The following QPRT variants were observed in gnomAD, a reference collection of about 807,000 sequenced individuals.
QPRT encodes nicotinate-nucleotide pyrophosphorylase [carboxylating].
A neutral mutation model predicts 19.8 loss-of-function variants in QPRT; 17 were observed. That is an observed-to-expected ratio of 0.86 (90% CI 0.59 to 1.29). The LOEUF is 1.29. Ranked by LOEUF, QPRT falls within the 50% of genes most tolerant of loss-of-function variation. The probability of loss-of-function intolerance (pLI) is 0.00; values close to 1 mark genes in which losing one functional copy is unlikely to be tolerated. For missense variants in QPRT, 336 were observed against 405.1 expected (o/e 0.83, Z 1.46); for synonymous variants, 178 against 191.0 (o/e 0.93, Z 0.56).
chr16:29,684,770 C>T (rs576957178), intron 1 of QPRT, among the ~76,000 whole-genome samples: 2 of 152,248 alleles, frequency 1.3e-5, no homozygotes, highest in East Asian at 1.9e-4. Context: ...TTCTCTCGAG[C>T]TCTGCAGAAG....
intron 1 of QPRT, among the ~76,000 whole-genome samples, chr16:29,682,414 C>G (rs1227226846): frequency 6.6e-6 from 1 of 151,934 alleles, no homozygotes; most frequent in East Asian, 1.9e-4. Flanking sequence ...CTCTTGTTGC[C>G]CAGACTGGAG....
At chr16:29,694,366 G>A (rs1225530921) in intron 1 of QPRT, among the ~76,000 whole-genome samples, 3 of 151,522 alleles carry the variant, frequency 2.0e-5, no homozygotes. Flanking sequence ...TGATCCGCCC[G>A]CCTCGGCCTC....
intron 1 of QPRT, among the ~76,000 whole-genome samples, chr16:29,681,688 G>A (rs1250871188): frequency 6.7e-6 from 1 of 148,732 alleles, no homozygotes. Context: ...GTAGAGATGG[G>A]GTGTCACCAT....
Position 29,694,680 on chromosome 16 carries a change from G to A in QPRT, c.30G>A (p.Leu10=). ...TCCCCCCAGGCCTGGCGCTGCTGCT[G>A]CCGCCCGTCACCCTGGCAGCCCTGG... MDAEGLALL[L]PPVTLAALVD... is the part of the protein sequence containing the mutation. Residue 10 remains leucine, a synonymous_variant, in exon 2 of 4, where the codon CTG becomes CTA. Transcript: ENST00000395384. The A allele has an allele frequency of 1.3e-6, 2 of 1,545,542 alleles. No homozygotes were observed. Among genetic ancestry groups the A allele is most frequent in the South Asian group, 2.5e-5 (2 of 80,102 alleles).
In QPRT at chr16:29,694,661, C is replaced by A. The variant is rs756076465; in HGVS notation, c.14-3C>A. On this transcript the variant is annotated splice_region_variant and splice_polypyrimidine_tract_variant and intron_variant, in intron 1 of 3. Transcript: ENST00000395384. ...CTCAACAGCTGTTCTCTCTTCCCCC[C>A]AGGCCTGGCGCTGCTGCTGCCGCCC... is the stretch of plus-strand genomic sequence containing the variant. The A allele has an allele frequency of 3.3e-6, 5 of 1,534,658 alleles. No individual in the cohort carries two copies. The highest frequency in any genetic ancestry group is 1.4e-5 in the African/African-American group (1 of 72,624).
At chr16:29,696,890 G>T in intron 2 of QPRT, 106 bp from the exon 3 acceptor site, 2 of 1,350,904 alleles carry the variant, frequency 1.5e-6, no homozygotes, top group Non-Finnish European at 2.0e-6. Flanking sequence ...CCGCGCCCCA[G>T]CTGCAGTGCT....
chr16:29,679,243 ACCCATCC>A (rs1157181950), intron 1 of QPRT, 33 bp downstream of exon 1: 1 of 1,562,314 alleles, frequency 6.4e-7, no homozygotes, highest in South Asian at 1.1e-5. Context: ...ATGTCCCTGC[ACCCATCC>A]CCCCACTGCC....
chr16:29,685,828 C>T (rs1005603616), intron 1 of QPRT, among the ~76,000 whole-genome samples: 2 of 151,962 alleles, frequency 1.3e-5, no homozygotes, highest in Non-Finnish European at 2.9e-5. Flanking sequence ...AGCGAGACCC[C>T]CCGTCTCTAC....
chr16:29,688,923 G>A (rs552729462), intron 1 of QPRT, among the ~76,000 whole-genome samples: 1 of 151,314 alleles, frequency 6.6e-6, no homozygotes, highest in South Asian at 2.1e-4. Flanking sequence ...TGGGACTACA[G>A]GCGCACACCA....
chr16:29,684,088 C>G (rs934985618), intron 1 of QPRT, among the ~76,000 whole-genome samples: 1 of 152,106 alleles, frequency 6.6e-6, no homozygotes, highest in African/African-American at 2.4e-5. Context: ...TGATGCTTCT[C>G]TTTTTGTTGG....
At chr16:29,685,104 A>G (rs1487163061) in intron 1 of QPRT, among the ~76,000 whole-genome samples, 1 of 152,152 alleles carries the variant, frequency 6.6e-6, no homozygotes, top group Non-Finnish European at 1.5e-5. Flanking sequence ...ATAGCCCTCA[A>G]ATCTACCCCA....
chr16:29,695,239 G>T, intron 2 of QPRT, 40 bp downstream of exon 2: 1 of 1,490,716 alleles, frequency 6.7e-7, no homozygotes. Context: ...CCCACCCTCA[G>T]CACACCCCTC....
Position 29,694,919 on chromosome 16 carries a change from T to C in QPRT, c.269T>C (p.Val90Ala). Reference protein sequence around the residue: ...KLVPVARVAEVRGPAHCLLLG... With the variant: ...KLVPVARVAEARGPAHCLLLG... Reference sequence around the variant, plus strand: ...GTGCCGGTGGCCAGAGTGGCCGAGGTCCGGGGCCCTGCCCACTGCCTGCTG... The same window carrying C: ...GTGCCGGTGGCCAGAGTGGCCGAGGCCCGGGGCCCTGCCCACTGCCTGCTG... The change falls in exon 2 of 4, where the codon GTC becomes GCC. Residue 90 changes from valine to alanine, a missense_variant. Physicochemically the swap from Val to Ala is moderately conservative, Grantham distance 64. Transcript: ENST00000395384. 6.2e-7 allele frequency: 1 copy of C among 1,613,518 alleles called. No individual in the cohort carries two copies. The highest frequency in any genetic ancestry group is 8.5e-7 in the Non-Finnish European group (1 of 1,179,846).
chr16:29,691,796 G>A (rs533917472), intron 1 of QPRT, among the ~76,000 whole-genome samples: 1 of 152,286 alleles, frequency 6.6e-6, no homozygotes, highest in Non-Finnish European at 1.5e-5. Context: ...AGGGACAGGA[G>A]CCATCTGGGG....
Position 29,697,134 on chromosome 16 carries a change from T to G in QPRT, c.681+7T>G. ...GGACAACTTCAAGCCAGAGGTAAGG[T>G]GGGCTCTGCCTCCGGGGAGGGATCT... On this transcript the variant is annotated splice_region_variant and intron_variant, in intron 3 of 3. Coordinates refer to ENST00000395384, the MANE Select transcript of QPRT (RefSeq NM_014298.6). The surrounding 1 kb of genome is among the most constrained non-coding windows in gnomAD (Gnocchi z 4.4). The G allele has an allele frequency of 2.5e-6, 4 of 1,601,234 alleles. No individual in the cohort carries two copies. The highest frequency in any genetic ancestry group is 3.4e-6 in the Non-Finnish European group (4 of 1,170,556).
chr16:29,694,671 G>T lies in QPRT; in HGVS notation c.21G>T (p.Ala7=). ...GTTCTCTCTTCCCCCCAGGCCTGGC[G>T]CTGCTGCTGCCGCCCGTCACCCTGG... MDAEGL[A]LLLPPVTLAA... is the part of the protein sequence containing the mutation. The change falls in exon 2 of 4, where the codon GCG becomes GCT. Residue 7 remains alanine (A), a synonymous_variant. Coordinates refer to ENST00000395384, the MANE Select transcript of QPRT (RefSeq NM_014298.6). The T allele has an allele frequency of 6.5e-7, 1 of 1,542,432 alleles. No homozygotes were observed. The highest frequency in any genetic ancestry group is 8.7e-7 in the Non-Finnish European group (1 of 1,144,092).
At chr16:29,681,224 T>A (rs1468790018) in intron 1 of QPRT, among the ~76,000 whole-genome samples, 1 of 152,138 alleles carries the variant, frequency 6.6e-6, no homozygotes, top group African/African-American at 2.4e-5. Flanking sequence ...GCAAGTTTTG[T>A]AACCTGTAGA....
Position 29,683,430 on chromosome 16 carries a change from A to C in QPRT, c.13+4220A>C, listed in dbSNP as rs1416214015. ...GAGTGCAGTAGCTCCATCATAGCTC[A>C]CTGCAGCCTCCAACTCCTGGACTCA... On this transcript the variant is annotated intron_variant, in intron 1 of 3. Transcript: ENST00000395384. Among the ~76,000 whole-genome samples, 4 of 151,318 alleles carry C rather than the reference A, an allele frequency of 2.6e-5. No individual in the cohort carries two copies. The Admixed American group carries it at 2.6e-4, about 10-fold the overall frequency.
Position 29,694,530 on chromosome 16 carries a change from C to T in QPRT, c.14-134C>T, listed in dbSNP as rs1191635270. ...CCACGCCCCCCTTCCTCACCGCAGT[C>T]CCCCCCCTGGGACCCCTAGATCTTG... On this transcript the variant is annotated intron_variant, in intron 1 of 3. Transcript: ENST00000395384. The T allele has an allele frequency of 1.3e-5, 11 of 821,764 alleles. No homozygotes were observed. The East Asian group carries it at 2.6e-4, about 19-fold the overall frequency. The allele number at this position is 821,764 out of a possible 1,614,324, so 50.9% of individuals were successfully genotyped here.
Sources: allele counts gnomAD v4.1 joint callset (sites outside exome capture counted in the v4.1 genomes callset), GRCh38; gene constraint gnomAD v4.1.1; non-coding constraint Gnocchi (gnomAD v3.1); transcripts MANE v1.5; gene names NCBI Gene and HGNC (gene_info 2026-07-23, HGNC 2026-07-21).